The following FDPS variants were observed in gnomAD, a reference collection of about 807,000 sequenced individuals.
FDPS encodes the protein farnesyl pyrophosphate synthase.
FDPS carries 29 observed loss-of-function variants against 49.5 expected under a neutral mutation model. That is an observed-to-expected ratio of 0.59 (90% CI 0.44 to 0.80). The LOEUF is 0.80. Among genes scored for constraint, FDPS ranks in the 30% least tolerant of loss-of-function variants. The probability of loss-of-function intolerance (pLI) is 0.00; values close to 1 mark genes in which losing one functional copy is unlikely to be tolerated. For synonymous variants in FDPS, 172 were observed against 206.4 expected (o/e 0.83, Z 1.43); for missense variants, 414 against 525.6 (o/e 0.79, Z 2.08).
rs1209314351 is a variant in FDPS at position 155,312,476 on chromosome 1, C to T, written c.480+81C>T. 5 of 1,452,746 alleles carry T rather than the reference C, an allele frequency of 3.4e-6. No individual in the cohort carries two copies. The African/African-American group carries it at 4.2e-5, about 12-fold the overall frequency. 90.0% of individuals were successfully genotyped at this position (1,452,746 alleles called of 1,614,324 possible). On this transcript the variant is annotated intron_variant, in intron 4 of 10. Coordinates refer to ENST00000368356, the MANE Select transcript of FDPS (RefSeq NM_002004.4). Reference sequence around the variant, plus strand: ...GGGAAGGGGAGGGATGGGCCTGAAACTTATTTCTGGGTTGTGTTTGTGTTT... The same window carrying T: ...GGGAAGGGGAGGGATGGGCCTGAAATTTATTTCTGGGTTGTGTTTGTGTTT...
Position 155,312,367 on chromosome 1 carries a change from C to T in FDPS, c.452C>T (p.Ala151Val). 6.2e-7 allele frequency: 1 copy of T among 1,614,010 alleles called. No individual in the cohort carries two copies. Among genetic ancestry groups the T allele is most frequent in the Non-Finnish European group, 8.5e-7 (1 of 1,179,972 alleles). Residue 151 changes from alanine to valine, a missense_variant, in exon 4 of 11, where the codon GCC (alanine) becomes GTC (valine). Transcript: ENST00000368356. ...CAGGATGCTGATAGTCTCCAGCGGG[C>T]CTGGACTGTGGGCTGGTGTGTGGAA... is the stretch of plus-strand genomic sequence containing the variant. Reference protein sequence around the residue: ...RKQDADSLQRAWTVGWCVELL... With the variant: ...RKQDADSLQRVWTVGWCVELL...
chr1:155,310,852 T>G (rs1648728333), intron 3 of FDPS, among the ~76,000 whole-genome samples: 1 of 152,182 alleles, frequency 6.6e-6, no homozygotes, highest in Admixed American at 6.5e-5. Flanking sequence ...CCTATCTCCC[T>G]GGGGCCTGAG....
In FDPS at chr1:155,312,247, C is replaced by T. The variant is rs1648874160; in HGVS notation, c.340-8C>T. The T allele has an allele frequency of 6.2e-7, 1 of 1,613,370 alleles. No individual in the cohort carries two copies. Among genetic ancestry groups the T allele is most frequent in the South Asian group, 1.1e-5 (1 of 91,052 alleles). On this transcript the variant is annotated splice_region_variant and splice_polypyrimidine_tract_variant and intron_variant, in intron 3 of 10. Coordinates refer to ENST00000368356, the MANE Select transcript of FDPS (RefSeq NM_002004.4). ...CTGATACCCTGTACCTCTTTCCTTG[C>T]CCTCCAGGTCCTGGAGTACAATGCC...
At position 155,309,795 on chromosome 1, in the gene FDPS, C is replaced by T; in HGVS notation, c.6C>T (p.Pro2=). ...CTCCCTATGCCACTCCCAGGATGCCCCTGTCCCGCTGGTTGAGATCTGTGG... is the reference window on the plus strand; with the variant it reads ...CTCCCTATGCCACTCCCAGGATGCCTCTGTCCCGCTGGTTGAGATCTGTGG... The part of the protein sequence containing the change: M[P]LSRWLRSVGV... The change falls in exon 2 of 11, where the codon CCC becomes CCT. Residue 2 remains proline (P), a synonymous_variant. Transcript: ENST00000368356. 2 of 1,551,780 alleles carry T rather than the reference C, an allele frequency of 1.3e-6. No individual in the cohort carries two copies. Among genetic ancestry groups the T allele is most frequent in the Non-Finnish European group, 1.8e-6 (2 of 1,142,034 alleles).
chr1:155,315,270 T>G (rs994111011), intron 4 of FDPS, among the ~76,000 whole-genome samples: 5 of 152,158 alleles, frequency 3.3e-5, no homozygotes, highest in African/African-American at 1.2e-4. Context: ...CTAGGCCAAG[T>G]GTAGTGGCTC....
intron 4 of FDPS, 152 bp from the exon 5 acceptor site, chr1:155,317,789 A>C: frequency 1.6e-6 from 1 of 612,742 alleles, no homozygotes; most frequent in Non-Finnish European, 2.9e-6. Flanking sequence ...GGCTACAGTG[A>C]GCTGTGACTG....
In FDPS at chr1:155,319,782, C is replaced by T. The variant is rs909077922; in HGVS notation, c.925-12C>T. Reference sequence around the variant, plus strand: ...TCCTTCCTCTTTTGCTGCCCTCCCCCTCCCTGCCCAGGATGATTACCTTGA... The same window carrying T: ...TCCTTCCTCTTTTGCTGCCCTCCCCTTCCCTGCCCAGGATGATTACCTTGA... On this transcript the variant is annotated splice_polypyrimidine_tract_variant and intron_variant, in intron 9 of 10. Coordinates refer to ENST00000368356, the MANE Select transcript of FDPS (RefSeq NM_002004.4). 1.9e-6 allele frequency: 3 copies of T among 1,614,136 alleles called. No homozygotes were observed. Among genetic ancestry groups the T allele is most frequent in the Non-Finnish European group, 2.5e-6 (3 of 1,180,002 alleles).
intron 10 of FDPS, 186 bp from the exon 11 acceptor site, chr1:155,320,223 G>A (rs1477201655): frequency 7.6e-6 from 5 of 655,332 alleles, no homozygotes; most frequent in Non-Finnish European, 1.3e-5. Context: ...CCTGGTATGA[G>A]GCAATATTTG....
chr1:155,319,704 G>A lies in FDPS; in HGVS notation c.924+16G>A. ...TCAGATTCAGGTAAGAAGGCAGGAGGCAGTAGCAGAGAACAGGCACCAGCT... is the reference window on the plus strand; with the variant it reads ...TCAGATTCAGGTAAGAAGGCAGGAGACAGTAGCAGAGAACAGGCACCAGCT... On this transcript the variant is annotated intron_variant, in intron 9 of 10. Coordinates refer to ENST00000368356, the MANE Select transcript of FDPS (RefSeq NM_002004.4). The A allele has an allele frequency of 1.9e-6, 3 of 1,614,138 alleles. No individual in the cohort carries two copies. The highest frequency in any genetic ancestry group is 2.5e-6 in the Non-Finnish European group (3 of 1,179,986).
intron 3 of FDPS, among the ~76,000 whole-genome samples, chr1:155,311,992 A>C (rs1179413578): frequency 6.6e-6 from 1 of 152,106 alleles, no homozygotes; most frequent in Non-Finnish European, 1.5e-5. Flanking sequence ...ATAAATAAAT[A>C]AATAAATAAA....
chr1:155,309,830 T>G lies in FDPS; in HGVS notation c.41T>G (p.Leu14Arg), dbSNP rs766461774. 3.6e-5 allele frequency: 57 copies of G among 1,576,862 alleles called. No homozygotes were observed. Among genetic ancestry groups the G allele is most frequent in the Middle Eastern group, 1.8e-4 (1 of 5,500 alleles). The change falls in exon 2 of 11, where the codon CTG becomes CGG. Residue 14 changes from leucine to arginine, a missense_variant. By Grantham distance (102) the Leu-to-Arg change is moderately radical (BLOSUM62 -2). Transcript: ENST00000368356. The stretch of plus-strand genomic sequence containing the variant: ...TGGTTGAGATCTGTGGGGGTCTTCC[T>G]GCTGCCAGCCCCCTACTGGGCACCC... ...SRWLRSVGVF[L>R]LPAPYWAPRE...
At position 155,312,365 on chromosome 1, in the gene FDPS, G is replaced by A; in HGVS notation, c.450G>A (p.Arg150=). 2 of 1,614,120 alleles carry A rather than the reference G, an allele frequency of 1.2e-6. No homozygotes were observed. The highest frequency in any genetic ancestry group is 1.7e-6 in the Non-Finnish European group (2 of 1,180,024). The change falls in exon 4 of 11, where the codon CGG becomes CGA. Residue 150 remains arginine, a synonymous_variant. Transcript: ENST00000368356. ...AACAGGATGCTGATAGTCTCCAGCG[G>A]GCCTGGACTGTGGGCTGGTGTGTGG... ...PRKQDADSLQ[R]AWTVGWCVEL...
At position 155,318,022 on chromosome 1, in the gene FDPS, G is replaced by A; in HGVS notation, c.561+1G>A. 6.2e-7 allele frequency: 1 copy of A among 1,614,090 alleles called. No individual in the cohort carries two copies. The highest frequency in any genetic ancestry group is 8.5e-7 in the Non-Finnish European group (1 of 1,179,970). On this transcript the variant is annotated splice_donor_variant, in intron 5 of 10. Transcript: ENST00000368356. LOFTEE classifies it high-confidence loss of function. This position sits in a 1 kb window ranked among gnomAD's most constrained non-coding sequence, Gnocchi z 4.2. ...GGGACAGATCTGCTGGTATCAGAAG[G>A]TAATGTGGGCAGGAAAATAGCAGTG... is the stretch of plus-strand genomic sequence containing the variant.
chr1:155,314,590 T>A (rs1443932609), intron 4 of FDPS, among the ~76,000 whole-genome samples: 1 of 152,014 alleles, frequency 6.6e-6, no homozygotes, highest in South Asian at 2.1e-4. Flanking sequence ...TCCTTCCACC[T>A]CAGCCTCCCA....
chr1:155,317,855 T>C (rs971406181), intron 4 of FDPS, 86 bp from the exon 5 acceptor site: 4 of 1,242,024 alleles, frequency 3.2e-6, no homozygotes, highest in Middle Eastern at 2.8e-4. Flanking sequence ...AAAGCAAAAC[T>C]ATATACAGAT....
chr1:155,312,121 G>A (rs897701742), intron 3 of FDPS, 134 bp from the exon 4 acceptor site: 1 of 986,292 alleles, frequency 1.0e-6, no homozygotes, highest in Non-Finnish European at 1.6e-6. Flanking sequence ...CAATTCCAGA[G>A]GCTCCTTGAA....
intron 4 of FDPS, 74 bp from the exon 5 acceptor site, chr1:155,317,867 T>C: frequency 7.4e-7 from 1 of 1,358,416 alleles, no homozygotes; most frequent in Non-Finnish European, 1.0e-6. Context: ...TATACAGATA[T>C]AAAGTAGCAG....
At chr1:155,315,465 GT>G (rs1303614130) in intron 4 of FDPS, among the ~76,000 whole-genome samples, 2 of 152,024 alleles carry the variant, frequency 1.3e-5, no homozygotes, top group Non-Finnish European at 2.9e-5. Flanking sequence ...GGATCATGAA[GT>G]CAGGAGATCG....
At chr1:155,316,393 G>A (rs893463908) in intron 4 of FDPS, among the ~76,000 whole-genome samples, 2 of 152,166 alleles carry the variant, frequency 1.3e-5, no homozygotes, top group African/African-American at 4.8e-5. Context: ...TGAGACAGGA[G>A]GATCACTTGA....
Sources: allele counts gnomAD v4.1 joint callset (sites outside exome capture counted in the v4.1 genomes callset), GRCh38; gene constraint gnomAD v4.1.1; non-coding constraint Gnocchi (gnomAD v3.1); transcripts MANE v1.5; gene names NCBI Gene and HGNC (gene_info 2026-07-23, HGNC 2026-07-21).